The following WFDC3 variants were observed in gnomAD, a reference collection of about 807,000 sequenced individuals.
The protein encoded by WFDC3 is WAP four-disulfide core domain protein 3.
In WFDC3, 15 loss-of-function variants were observed where a neutral mutation model predicts 25.8. That is an observed-to-expected ratio of 0.58 (90% confidence interval 0.39 to 0.89). The LOEUF is 0.89. WFDC3 is among the 40% of genes least tolerant of loss of function. WFDC3 has a pLI of 0.00. For missense variants in WFDC3, 264 were observed against 289.8 expected, an observed-to-expected ratio of 0.91 and a Z score of 0.65; for synonymous variants, 103 against 107.1, an observed-to-expected ratio of 0.96 and a Z score of 0.24.
Position 45,787,889 on chromosome 20 carries a change from C to T in WFDC3, c.305G>A (p.Cys102Tyr). 6.2e-7 allele frequency: 1 copy of T among 1,614,022 alleles called. No homozygotes were observed. The highest frequency in any genetic ancestry group is 1.3e-5 in the African/African-American group (1 of 75,034). ...DETCPGVKKCCTLGCNKSCVV... is the reference protein window; with the variant it reads ...DETCPGVKKCYTLGCNKSCVV... Reference sequence around the variant, plus strand: ...ACAGCTCTTGTTGCAGCCAAGCGTGCAGCATTTCTTTACACCTGGACATGT... The same window carrying T: ...ACAGCTCTTGTTGCAGCCAAGCGTGTAGCATTTCTTTACACCTGGACATGT... The change falls in exon 4 of 7, where the codon TGC (cysteine) becomes TAC (tyrosine). Residue 102 changes from cysteine to tyrosine, a missense_variant. Physicochemically the swap from Cys to Tyr is radical, Grantham distance 194 (BLOSUM62 -2). Coordinates refer to ENST00000243938, the MANE Select transcript of WFDC3 (RefSeq NM_080614.2).
intron 4 of WFDC3, among the ~76,000 whole-genome samples, chr20:45,781,735 G>A (rs1980453194): frequency 6.6e-6 from 1 of 152,176 alleles, no homozygotes; most frequent in African/African-American, 2.4e-5. Context: ...CACGTACCAA[G>A]ATTCCAGACT....
chr20:45,789,169 A>C, intron 2 of WFDC3, 110 bp from the exon 3 acceptor site: 1 of 1,423,286 alleles, frequency 7.0e-7, no homozygotes, highest in East Asian at 2.4e-5. Flanking sequence ...GCACCACTGC[A>C]CTCTAGCCTG....
At chr20:45,780,038 TAC>T (rs1980367967) in intron 4 of WFDC3, 3 of 147,144 alleles carry the variant, frequency 2.0e-5, no homozygotes, top group African/African-American at 7.4e-5. Flanking sequence ...TATGCTATCC[TAC>T]TTAAGCTAGA....
At chr20:45,783,167 T>C (rs140794375) in intron 4 of WFDC3, among the ~76,000 whole-genome samples, 1 of 152,146 alleles carries the variant, frequency 6.6e-6, no homozygotes, top group African/African-American at 2.4e-5. Flanking sequence ...CAATATACAG[T>C]GAATACATGA....
chr20:45,786,245 C>G (rs1268589391), intron 4 of WFDC3, among the ~76,000 whole-genome samples: 1 of 152,110 alleles, frequency 6.6e-6, no homozygotes, highest in African/African-American at 2.4e-5. Flanking sequence ...CAAAAATTAG[C>G]CAGGTGGGGT....
At position 45,777,197 on chromosome 20, in the gene WFDC3, C is replaced by G. The variant is rs375130619; in HGVS notation, c.371G>C (p.Gly124Ala). The G allele has an allele frequency of 1.9e-6, 3 of 1,561,858 alleles. No individual in the cohort carries two copies. The East Asian group carries it at 7.0e-5, about 37-fold the overall frequency. Residue 124 changes from glycine (G) to alanine (A), a missense_variant, in exon 5 of 7, where the codon GGT (glycine) becomes GCT (alanine). Physicochemically the swap from Gly to Ala is moderately conservative, Grantham distance 60. Coordinates refer to ENST00000243938, the MANE Select transcript of WFDC3 (RefSeq NM_080614.2). ...CGGAAGGGGGTCAGCGGGACATTCACCACCAAACTCTGCTACATAATCAAA... is the reference window on the plus strand; with the variant it reads ...CGGAAGGGGGTCAGCGGGACATTCAGCACCAAACTCTGCTACATAATCAAA... Reference protein sequence around the residue: ...ISKQKLAEFGGECPADPLPCE... With the variant: ...ISKQKLAEFGAECPADPLPCE...
intron 4 of WFDC3, among the ~76,000 whole-genome samples, chr20:45,782,192 ACAC>A (rs1384818470): frequency 1.1e-4 from 17 of 152,020 alleles, no homozygotes; most frequent in Admixed American, 6.6e-5. Flanking sequence ...TCAGTAAAGA[ACAC>A]CACCATCACC....
chr20:45,776,617 AAAAAGAAAAAAAAAAAAAATAT>A (rs1445864227), intron 5 of WFDC3, among the ~76,000 whole-genome samples: 82 of 72,848 alleles, frequency 1.1e-3, no homozygotes, highest in East Asian at 9.5e-3. Context: ...AAAAAAGAAA[AAAAAGAAAAAAAAAAAAAATAT>A]ATATATATAT....
intron 4 of WFDC3, among the ~76,000 whole-genome samples, chr20:45,783,460 A>G (rs948392268): frequency 6.6e-6 from 1 of 152,038 alleles, no homozygotes; most frequent in Non-Finnish European, 1.5e-5. Context: ...CCTGGGTGAT[A>G]GAGTGAGACC....
intron 4 of WFDC3, among the ~76,000 whole-genome samples, chr20:45,777,883 A>G (rs528649429): frequency 7.0e-6 from 1 of 141,930 alleles, no homozygotes; most frequent in Non-Finnish European, 1.5e-5. Flanking sequence ...TTCAGGACTC[A>G]CAGTTTGAAA....
chr20:45,790,753 T>C (rs1340502649), intron 1 of WFDC3, among the ~76,000 whole-genome samples: 1 of 151,228 alleles, frequency 6.6e-6, no homozygotes, highest in Non-Finnish European at 1.5e-5. Context: ...GAAAAGAAAC[T>C]ATCAAAAACC....
chr20:45,782,265 C>T (rs1326931245), intron 4 of WFDC3, among the ~76,000 whole-genome samples: 1 of 152,218 alleles, frequency 6.6e-6, no homozygotes, highest in East Asian at 1.9e-4. Context: ...TCAATGCCTG[C>T]AGCCACTTAC....
At chr20:45,776,635 AATATAT>A (rs71181857) in intron 5 of WFDC3, among the ~76,000 whole-genome samples, 3,814 of 92,658 alleles carry the variant, frequency 0.041, 69 homozygotes, top group Middle Eastern at 0.11. Flanking sequence ...AAAAAAAAAA[AATATAT>A]ATATATATAT....
intron 4 of WFDC3, among the ~76,000 whole-genome samples, chr20:45,782,539 G>A (rs554110208): frequency 3.9e-5 from 6 of 151,966 alleles, no homozygotes; most frequent in African/African-American, 9.7e-5. Flanking sequence ...CATCATGCCC[G>A]GCTAATTTTT....
intron 4 of WFDC3, among the ~76,000 whole-genome samples, chr20:45,779,093 T>C (rs1980324592): frequency 6.6e-6 from 1 of 152,208 alleles, no homozygotes; most frequent in South Asian, 2.1e-4. Flanking sequence ...AGCCTCTTGA[T>C]TTGCGGTAAA....
chr20:45,790,217 T>C (rs1980891875), intron 1 of WFDC3: 2 of 446,068 alleles, frequency 4.5e-6, no homozygotes, highest in East Asian at 3.9e-5. Context: ...TCAAATTCTG[T>C]AAGCAATATA....
At chr20:45,783,015 T>C (rs1042655381) in intron 4 of WFDC3, among the ~76,000 whole-genome samples, 1 of 152,044 alleles carries the variant, frequency 6.6e-6, no homozygotes, top group Non-Finnish European at 1.5e-5. Flanking sequence ...TCATGACTCA[T>C]CATCATCTTG....
At position 45,789,964 on chromosome 20, in the gene WFDC3, GC is replaced by G; in HGVS notation, c.11del (p.Ser4ThrfsTer6). On this transcript the variant is annotated frameshift_variant, in exon 2 of 7. Coordinates refer to ENST00000243938, the MANE Select transcript of WFDC3 (RefSeq NM_080614.2). LOFTEE classifies it high-confidence loss of function. ...GAAGTGCCTTCAGAAGAAAGAGGCA[GC>G]TTAACATCATGATGATGCTGAGAGT... MML[S>X]CLFLLKALLA... The G allele has an allele frequency of 1.9e-6, 3 of 1,614,144 alleles. No homozygotes were observed. The highest frequency in any genetic ancestry group is 2.2e-5 in the South Asian group (2 of 91,078).
chr20:45,787,395 A>C (rs1397937841), intron 4 of WFDC3, among the ~76,000 whole-genome samples: 1 of 139,212 alleles, frequency 7.2e-6, no homozygotes, highest in Admixed American at 8.1e-5. Flanking sequence ...GGTTCACGCC[A>C]TTCTCCTGCT....
Sources: gnomAD v4.1 joint callset for allele counts (sites outside exome capture counted in the v4.1 genomes callset) on GRCh38, gnomAD v4.1.1 for gene constraint, MANE v1.5 for transcripts, NCBI Gene and HGNC (gene_info 2026-07-23, HGNC 2026-07-21) for gene names.